The following HNRNPLL variants were observed in gnomAD, a reference collection of about 807,000 sequenced individuals.
HNRNPLL encodes heterogeneous nuclear ribonucleoprotein L-like.
Under a neutral mutation model 67.1 loss-of-function variants are expected in HNRNPLL, and 25 were observed. That is an observed-to-expected ratio of 0.37 (90% CI 0.27 to 0.52). The LOEUF (loss-of-function observed/expected upper bound fraction) is 0.52. HNRNPLL is among the 20% of genes least tolerant of loss of function. The probability of loss-of-function intolerance (pLI) is 0.90; values close to 1 mark genes in which losing one functional copy is unlikely to be tolerated. For synonymous variants in HNRNPLL, 267 were observed against 241.7 expected, an observed-to-expected ratio of 1.10 and a Z score of -0.97; for missense variants, 542 against 673.9, an observed-to-expected ratio of 0.80 and a Z score of 2.17.
At position 38,574,109 on chromosome 2, in the gene HNRNPLL, A is replaced by G. The variant is rs547482577; in HGVS notation, c.875-682T>C. ...TATTTCAGCAGAAAAACACACTCAA[A>G]TCTATGTCTCTTACATTGAGAATCC... On this transcript the variant is annotated intron_variant, in intron 7 of 12. Coordinates refer to ENST00000449105, the MANE Select transcript of HNRNPLL (RefSeq NM_138394.4). Among the ~76,000 whole-genome samples the G allele has an allele frequency of 2.6e-5, 4 of 152,014 alleles. No homozygotes were observed. In the South Asian group the frequency reaches 8.3e-4, roughly 31 times the overall value.
chr2:38,573,987 A>G (rs1666200684), intron 7 of HNRNPLL, among the ~76,000 whole-genome samples: 1 of 151,934 alleles, frequency 6.6e-6, no homozygotes, highest in Non-Finnish European at 1.5e-5. Context: ...TTAGTTAATA[A>G]CTCAACTACA....
intron 2 of HNRNPLL, among the ~76,000 whole-genome samples, chr2:38,588,128 A>G (rs1435596544): frequency 6.6e-6 from 1 of 152,158 alleles, no homozygotes; most frequent in Non-Finnish European, 1.5e-5. Context: ...TCTTCTTAAT[A>G]AATTACCCAC....
At chr2:38,568,576 C>T (rs1425280496) in intron 10 of HNRNPLL, 133 bp from the exon 11 acceptor site, 2 of 607,830 alleles carry the variant, frequency 3.3e-6, no homozygotes, top group Non-Finnish European at 2.9e-6. Context: ...ATGTTTTCTA[C>T]ATTAATATCA....
chr2:38,590,583 G>A (rs1251847413), intron 2 of HNRNPLL, among the ~76,000 whole-genome samples: 1 of 152,096 alleles, frequency 6.6e-6, no homozygotes, highest in Non-Finnish European at 1.5e-5. Context: ...TCTATTTTTG[G>A]CAGCAGATTC....
chr2:38,602,627 G>C lies in HNRNPLL; in HGVS notation c.-1C>G. 2 of 1,517,342 alleles carry C rather than the reference G, an allele frequency of 1.3e-6. No homozygotes were observed. Among genetic ancestry groups the C allele is most frequent in the African/African-American group, 2.9e-5 (2 of 70,040 alleles). 94.0% of individuals were successfully genotyped at this position (1,517,342 alleles called of 1,614,324 possible). A position where few individuals can be genotyped will look rare whatever the true frequency, so the allele number is the denominator to read the frequency against. On this transcript the variant is annotated 5_prime_UTR_variant, in exon 1 of 13. Coordinates refer to ENST00000449105, the MANE Select transcript of HNRNPLL (RefSeq NM_138394.4). ...TGGGGGAGGAAGAGGAGGAGGACAT[G>C]GCGGCGGCCGGAGGGACCGGCTGGC...
intron 1 of HNRNPLL, among the ~76,000 whole-genome samples, chr2:38,600,642 A>G (rs1287288776): frequency 1.3e-5 from 2 of 151,828 alleles, no homozygotes; most frequent in Non-Finnish European, 2.9e-5. Flanking sequence ...CTGAGGTAGG[A>G]GGATCGCTTG....
chr2:38,584,134 T>C (rs1171637422), intron 3 of HNRNPLL, among the ~76,000 whole-genome samples: 3 of 152,164 alleles, frequency 2.0e-5, no homozygotes, highest in Non-Finnish European at 4.4e-5. Flanking sequence ...CGATCACAGT[T>C]CCCTACAGCC....
intron 4 of HNRNPLL, among the ~76,000 whole-genome samples, chr2:38,582,737 T>C (rs1248276049): frequency 6.6e-6 from 1 of 152,004 alleles, no homozygotes; most frequent in African/African-American, 2.4e-5. Context: ...CTGGCCAACA[T>C]GGTGAAGCCC....
intron 8 of HNRNPLL, 85 bp downstream of exon 8, chr2:38,573,125 A>G: frequency 1.2e-6 from 1 of 834,640 alleles, no homozygotes; most frequent in Non-Finnish European, 1.9e-6. Flanking sequence ...TATTCCTGAT[A>G]CAAGGAGAAG....
intron 1 of HNRNPLL, among the ~76,000 whole-genome samples, chr2:38,592,499 A>G (rs138790960): frequency 0.017 from 2,517 of 152,352 alleles, 22 homozygotes; most frequent in Middle Eastern, 0.051. Context: ...AAATTTATAC[A>G]AGGGTACCAT....
At chr2:38,576,673 T>A (rs78636049) in intron 7 of HNRNPLL, among the ~76,000 whole-genome samples, 1 of 151,828 alleles carries the variant, frequency 6.6e-6, no homozygotes, top group African/African-American at 2.4e-5. Flanking sequence ...TTTAGGACAA[T>A]AGGCAATACC....
At position 38,602,814 on chromosome 2, in the gene HNRNPLL, C is replaced by A. The variant is rs1330965498; in HGVS notation, c.-188G>T. The A allele has an allele frequency of 1.1e-5, 17 of 1,544,750 alleles. No individual in the cohort carries two copies. Among genetic ancestry groups the A allele is most frequent in the African/African-American group, 5.6e-5 (4 of 72,064 alleles). Reference sequence around the variant, plus strand: ...AGAAGCGCGGACGGACTGAGGGGGGCGCCCCGGGAGGAAGCTCTGGAGCGG... The same window carrying A: ...AGAAGCGCGGACGGACTGAGGGGGGAGCCCCGGGAGGAAGCTCTGGAGCGG... On this transcript the variant is annotated 5_prime_UTR_variant, in exon 1 of 13. Transcript: ENST00000449105.
Position 38,591,406 on chromosome 2 carries a change from T to C in HNRNPLL, c.308+124A>G, listed in dbSNP as rs79020939. On this transcript the variant is annotated intron_variant, in intron 2 of 12. Coordinates refer to ENST00000449105, the MANE Select transcript of HNRNPLL (RefSeq NM_138394.4). ...AAGAAATACAGTCATAGGCAAACAA[T>C]AGATACTACTTTGTTTATATATACA... The C allele has an allele frequency of 5.0e-4, 338 of 678,114 alleles. 5 individuals carry two copies. The East Asian group carries it at 8.2e-3, about 16-fold the overall frequency. The allele number at this position is 678,114 out of a possible 1,614,324, so 42.0% of individuals were successfully genotyped here.
In HNRNPLL at chr2:38,563,921, A is replaced by G. The variant is rs1665749602; in HGVS notation, c.*261T>C. The G allele has an allele frequency of 6.6e-6, 2 of 301,026 alleles. No individual in the cohort carries two copies. The highest frequency in any genetic ancestry group is 1.2e-5 in the Non-Finnish European group (2 of 164,774). The allele number at this position is 301,026 out of a possible 1,614,324, so 18.6% of individuals were successfully genotyped here. A position where few individuals can be genotyped will look rare whatever the true frequency, so the allele number is the denominator to read the frequency against. ...TTACTGTGGAAGAAAAATTCCAGTA[A>G]TAAGGTTAGAAATCATATATCTGTA... On this transcript the variant is annotated 3_prime_UTR_variant, in exon 13 of 13. Transcript: ENST00000449105.
intron 4 of HNRNPLL, among the ~76,000 whole-genome samples, chr2:38,583,444 A>T (rs1163197654): frequency 6.6e-6 from 1 of 152,200 alleles, no homozygotes; most frequent in Non-Finnish European, 1.5e-5. Flanking sequence ...AATTTAACAT[A>T]AAGAAGTTTT....
At chr2:38,599,012 G>C (rs890554014) in intron 1 of HNRNPLL, among the ~76,000 whole-genome samples, 2 of 152,158 alleles carry the variant, frequency 1.3e-5, no homozygotes, top group Non-Finnish European at 2.9e-5. Flanking sequence ...TGAGAGCTAA[G>C]TGACCTCATC....
At chr2:38,582,570 A>G (rs1473618795) in intron 4 of HNRNPLL, among the ~76,000 whole-genome samples, 2 of 151,550 alleles carry the variant, frequency 1.3e-5, no homozygotes, top group East Asian at 2.0e-4. Flanking sequence ...TCGGCCTCCC[A>G]AAGTGCTGGG....
chr2:38,598,065 G>A (rs2148390053), intron 1 of HNRNPLL, among the ~76,000 whole-genome samples: 2 of 151,106 alleles, frequency 1.3e-5, no homozygotes, highest in African/African-American at 4.9e-5. Flanking sequence ...TGCCTACCCA[G>A]AATTCCTTAC....
chr2:38,565,912 A>C, intron 12 of HNRNPLL: 1 of 548,916 alleles, frequency 1.8e-6, no homozygotes, highest in Non-Finnish European at 2.3e-6. Flanking sequence ...CAGTTTTGAA[A>C]GCTAGAATAT....
Sources: gnomAD v4.1 joint callset for allele counts (sites outside exome capture counted in the v4.1 genomes callset) on GRCh38, gnomAD v4.1.1 for gene constraint, MANE v1.5 for transcripts, NCBI Gene and HGNC (gene_info 2026-07-23, HGNC 2026-07-21) for gene names.